The following UBASH3B variants were observed in gnomAD, a reference collection of about 807,000 sequenced individuals.
The protein encoded by UBASH3B is ubiquitin associated and SH3 domain containing B.
A neutral mutation model predicts 83.4 loss-of-function variants in UBASH3B; 37 were observed. The observed-to-expected ratio is 0.44, with a 90% CI of 0.34 to 0.58. UBASH3B has a LOEUF of 0.58. Among genes scored for constraint, UBASH3B ranks in the 20% least tolerant of loss-of-function variants. The pLI, the probability that UBASH3B is intolerant of heterozygous loss-of-function variation, is 0.01. For missense variants in UBASH3B, 657 were observed against 827.2 expected, an observed-to-expected ratio of 0.79 and a Z score of 2.52; for synonymous variants, 304 against 318.3, an observed-to-expected ratio of 0.96 and a Z score of 0.48.
At chr11:122,657,599 T>C (rs1591757008) in intron 1 of UBASH3B, among the ~76,000 whole-genome samples, 2 of 152,342 alleles carry the variant, frequency 1.3e-5, no homozygotes, top group African/African-American at 2.4e-5. Flanking sequence ...CCCTTATCTC[T>C]GGGCAAACCT....
At chr11:122,725,922 G>A (rs1466065577) in intron 1 of UBASH3B, among the ~76,000 whole-genome samples, 1 of 152,102 alleles carries the variant, frequency 6.6e-6, no homozygotes, top group African/African-American at 2.4e-5. Context: ...TCAAACTCCT[G>A]ACCTCATGAT....
chr11:122,742,030 C>G (rs1404672929), intron 1 of UBASH3B, among the ~76,000 whole-genome samples: 5 of 152,194 alleles, frequency 3.3e-5, no homozygotes, highest in East Asian at 1.9e-4. Flanking sequence ...ATCCTGAGGA[C>G]CCCTCCCTAC....
chr11:122,771,430 G>A (rs1441341930), intron 1 of UBASH3B, among the ~76,000 whole-genome samples: 2 of 151,962 alleles, frequency 1.3e-5, no homozygotes, highest in African/African-American at 2.4e-5. Context: ...TAGTAGACAC[G>A]GGGTTTCACC....
In UBASH3B at chr11:122,696,875, G is replaced by T. The variant is rs147293419; in HGVS notation, c.161+40665G>T. 5.5e-3 allele frequency among the ~76,000 whole-genome samples: 834 copies of T among 152,284 alleles called. 8 individuals are homozygous for T. The highest frequency in any genetic ancestry group is 0.019 in the African/African-American group (795 of 41,550). On this transcript the variant is annotated intron_variant, in intron 1 of 13. Coordinates refer to ENST00000284273, the MANE Select transcript of UBASH3B (RefSeq NM_032873.5). ...TCACATCAGCTGCAGCACGATTTCT[G>T]TTCAGAGCAAGCGTGGGTGGGGGTT...
chr11:122,756,160 G>T (rs1415366673), intron 1 of UBASH3B, among the ~76,000 whole-genome samples: 1 of 152,174 alleles, frequency 6.6e-6, no homozygotes, highest in Non-Finnish European at 1.5e-5. Context: ...GAACTATGAG[G>T]AAAATTCTCA....
intron 1 of UBASH3B, among the ~76,000 whole-genome samples, chr11:122,708,180 C>T (rs1864149004): frequency 6.6e-6 from 1 of 152,142 alleles, no homozygotes; most frequent in African/African-American, 2.4e-5. Flanking sequence ...CAGGTTCTCA[C>T]CACCATCTTC....
intron 1 of UBASH3B, among the ~76,000 whole-genome samples, chr11:122,696,169 T>G (rs1258279817): frequency 1.3e-5 from 2 of 150,948 alleles, no homozygotes; most frequent in Non-Finnish European, 3.0e-5. Context: ...AGACTGGTCT[T>G]GAACTCCTGA....
intron 1 of UBASH3B, among the ~76,000 whole-genome samples, chr11:122,722,779 C>T (rs1164870572): frequency 6.6e-6 from 1 of 151,478 alleles, no homozygotes; most frequent in Non-Finnish European, 1.5e-5. Flanking sequence ...GATCTCGGCT[C>T]ACTGCAAGCT....
intron 11 of UBASH3B, among the ~76,000 whole-genome samples, chr11:122,805,013 T>G (rs1256873584): frequency 6.6e-6 from 1 of 152,196 alleles, no homozygotes; most frequent in Non-Finnish European, 1.5e-5. Flanking sequence ...AGCCTAGCTT[T>G]GATCATCCTC....
At chr11:122,747,644 T>C (rs77673582) in intron 1 of UBASH3B, among the ~76,000 whole-genome samples, 1,968 of 152,336 alleles carry the variant, frequency 0.013, 16 homozygotes, top group Middle Eastern at 0.044. Flanking sequence ...TTTGGGTTCC[T>C]GTACGTTTGG....
At chr11:122,770,074 T>A (rs565788273) in intron 1 of UBASH3B, among the ~76,000 whole-genome samples, 1 of 152,362 alleles carries the variant, frequency 6.6e-6, no homozygotes, top group East Asian at 1.9e-4. Context: ...GATTACATGC[T>A]TGACCCTGTG....
rs919238673 is a variant in UBASH3B at position 122,808,082 on chromosome 11, T to C, written c.1718T>C (p.Ile573Thr). Residue 573 changes from isoleucine to threonine, a missense_variant, in exon 13 of 14, where the codon ATT becomes ACT. Transcript: ENST00000284273. ...TTTCCCCCAGGAAATAACATCCTGATTGTGGCCCACGCATCTTCCCTTGAA... is the reference window on the plus strand; with the variant it reads ...TTTCCCCCAGGAAATAACATCCTGACTGTGGCCCACGCATCTTCCCTTGAA... ...ECKSKGNNIL[I>T]VAHASSLEAC... The C allele has an allele frequency of 5.0e-6, 8 of 1,614,004 alleles. No homozygotes were observed. Among genetic ancestry groups the C allele is most frequent in the South Asian group, 1.1e-5 (1 of 91,082 alleles).
At position 122,794,848 on chromosome 11, in the gene UBASH3B, C is replaced by T. The variant is rs199671261; in HGVS notation, c.1113+14C>T. Reference sequence around the variant, plus strand: ...CAGCCCATGCAGGTAAGGCTGATTGCTAGGGTCACACCCCCAACTCTAACC... The same window carrying T: ...CAGCCCATGCAGGTAAGGCTGATTGTTAGGGTCACACCCCCAACTCTAACC... On this transcript the variant is annotated intron_variant, in intron 7 of 13. Transcript: ENST00000284273. 47 of 1,613,028 alleles carry T rather than the reference C, an allele frequency of 2.9e-5. No homozygotes were observed. Among genetic ancestry groups the T allele is most frequent in the Middle Eastern group, 3.7e-4 (2 of 5,368 alleles).
At chr11:122,780,485 T>A (rs921868857) in intron 4 of UBASH3B, among the ~76,000 whole-genome samples, 2 of 152,220 alleles carry the variant, frequency 1.3e-5, no homozygotes, top group African/African-American at 4.8e-5. Flanking sequence ...GGAGAGCCTC[T>A]TGGCTCGCTC....
At chr11:122,720,086 C>A (rs1006841103) in intron 1 of UBASH3B, among the ~76,000 whole-genome samples, 1 of 152,308 alleles carries the variant, frequency 6.6e-6, no homozygotes, top group East Asian at 1.9e-4. Flanking sequence ...AAACTCCTGG[C>A]TTTATGTACT....
intron 7 of UBASH3B, among the ~76,000 whole-genome samples, 172 bp from the exon 8 acceptor site, chr11:122,795,984 T>C (rs1861148397): frequency 6.6e-6 from 1 of 152,248 alleles, no homozygotes; most frequent in South Asian, 2.1e-4. Context: ...GCAGTTTATC[T>C]TATTCCAGCC....
At chr11:122,791,880 G>A (rs966660234) in intron 6 of UBASH3B, among the ~76,000 whole-genome samples, 2 of 152,244 alleles carry the variant, frequency 1.3e-5, no homozygotes, top group African/African-American at 4.8e-5. Flanking sequence ...TTGGTTCTGA[G>A]TTATGAACCA....
intron 1 of UBASH3B, among the ~76,000 whole-genome samples, chr11:122,706,091 C>G (rs901141980): frequency 6.8e-6 from 1 of 147,560 alleles, no homozygotes; most frequent in Non-Finnish European, 1.5e-5. Flanking sequence ...TACCAAAGCT[C>G]TAATTCTTTT....
chr11:122,660,991 G>A (rs1053492028), intron 1 of UBASH3B, among the ~76,000 whole-genome samples: 2 of 152,056 alleles, frequency 1.3e-5, no homozygotes, highest in Admixed American at 6.6e-5. Flanking sequence ...CATGTGTCAC[G>A]GGCCTTTCCA....
Sources: gnomAD v4.1 joint callset for allele counts (sites outside exome capture counted in the v4.1 genomes callset) on GRCh38, gnomAD v4.1.1 for gene constraint, MANE v1.5 for transcripts, NCBI Gene and HGNC (gene_info 2026-07-23, HGNC 2026-07-21) for gene names.